The following LRBA variants were observed in gnomAD, a reference collection of about 807,000 sequenced individuals.
LRBA encodes LPS responsive beige-like anchor protein, also known as lipopolysaccharide-responsive and beige-like anchor protein.
In LRBA, 176 loss-of-function variants were observed where a neutral mutation model predicts 330.0. The observed-to-expected ratio is 0.53, with a 90% CI of 0.47 to 0.60. The LOEUF (loss-of-function observed/expected upper bound fraction) is 0.60, where lower values mean the gene tolerates loss of function less well. Among genes scored for constraint, LRBA ranks in the 20% least tolerant of loss-of-function variants. The pLI is 0.00. For missense variants in LRBA, 3,259 were observed against 3,444.8 expected (o/e 0.95, Z 1.35); for synonymous variants, 1,230 against 1,193.0 (o/e 1.03, Z -0.64).
chr4:150,285,879 T>C, intron 54 of LRBA, 54 bp downstream of exon 54: 1 of 1,170,412 alleles, frequency 8.5e-7, no homozygotes, highest in Middle Eastern at 2.0e-4. Flanking sequence ...TGGTAATTTG[T>C]TTCTAGAAGA....
intron 48 of LRBA, among the ~76,000 whole-genome samples, chr4:150,346,457 A>G (rs995085644): frequency 6.6e-6 from 1 of 152,144 alleles, no homozygotes; most frequent in African/African-American, 2.4e-5. Context: ...ATCATAAAAA[A>G]TAAATATTAA....
chr4:150,479,105 A>T (rs1172037830), intron 42 of LRBA, among the ~76,000 whole-genome samples: 1 of 151,970 alleles, frequency 6.6e-6, no homozygotes, highest in Non-Finnish European at 1.5e-5. Context: ...ACAATGGAGC[A>T]AGACAGCATC....
chr4:150,728,051 CA>C (rs1198890438), intron 36 of LRBA, among the ~76,000 whole-genome samples: 1 of 151,978 alleles, frequency 6.6e-6, no homozygotes, highest in Non-Finnish European at 1.5e-5. Flanking sequence ...GGTAGAAATT[CA>C]AAGGATCATT....
At chr4:150,277,734 T>G in intron 56 of LRBA, 119 bp downstream of exon 56, 1 of 1,060,172 alleles carries the variant, frequency 9.4e-7, no homozygotes, top group Non-Finnish European at 1.4e-6. Context: ...ACTCCTGGGC[T>G]CAAGTGATTC....
intron 34 of LRBA, among the ~76,000 whole-genome samples, chr4:150,774,911 AAATT>A (rs1237274366): frequency 3.9e-5 from 6 of 152,162 alleles, no homozygotes; most frequent in African/African-American, 1.4e-4. Context: ...TAAAATAAAA[AAATT>A]AATAGGCATA....
At chr4:150,380,279 G>A (rs755362694) in intron 47 of LRBA, among the ~76,000 whole-genome samples, 1 of 152,104 alleles carries the variant, frequency 6.6e-6, no homozygotes, top group East Asian at 1.9e-4. Context: ...GAACAACAGG[G>A]ATCACTCAAC....
chr4:150,701,804 A>G (rs1785150270), intron 36 of LRBA, among the ~76,000 whole-genome samples: 2 of 152,208 alleles, frequency 1.3e-5, no homozygotes. Context: ...AAATCTATCA[A>G]TCCATCATCT....
chr4:150,896,551 A>G, intron 15 of LRBA, 95 bp from the exon 16 acceptor site: 1 of 643,180 alleles, frequency 1.6e-6, no homozygotes, highest in South Asian at 2.1e-5. Context: ...GTCAGCTACT[A>G]TAAATATAAA....
intron 35 of LRBA, among the ~76,000 whole-genome samples, chr4:150,742,884 T>C (rs535797163): frequency 1.7e-4 from 26 of 152,010 alleles, no homozygotes; most frequent in Non-Finnish European, 3.8e-4. Context: ...GGCGACAAAG[T>C]AAGAACCTGT....
At chr4:150,976,133 C>A (rs901070322) in intron 2 of LRBA, among the ~76,000 whole-genome samples, 1 of 147,634 alleles carries the variant, frequency 6.8e-6, no homozygotes, top group Non-Finnish European at 1.5e-5. Flanking sequence ...CAAGATTGTG[C>A]CACTGCACTC....
chr4:150,705,817 C>T (rs1785562181), intron 36 of LRBA, among the ~76,000 whole-genome samples: 1 of 151,890 alleles, frequency 6.6e-6, no homozygotes, highest in South Asian at 2.1e-4. Context: ...TATATATATA[C>T]TTCAGATCAA....
At chr4:150,644,382 A>C (rs559268081) in intron 37 of LRBA, among the ~76,000 whole-genome samples, 1 of 151,992 alleles carries the variant, frequency 6.6e-6, no homozygotes, top group Non-Finnish European at 1.5e-5. Context: ...AATTAAAGCA[A>C]GCTTCTGAGT....
chr4:150,597,244 T>G (rs1163476845), intron 38 of LRBA: 8 of 415,598 alleles, frequency 1.9e-5, no homozygotes, highest in Non-Finnish European at 4.5e-6. Flanking sequence ...AATTCTTTTT[T>G]GTCAAACTTT....
intron 2 of LRBA, 21 bp from the exon 3 acceptor site, chr4:150,929,086 A>C (rs2149509219): frequency 6.9e-7 from 1 of 1,459,474 alleles, no homozygotes; most frequent in Non-Finnish European, 9.5e-7. Context: ...AAAAAAAAAA[A>C]CACATTAAAA....
At chr4:150,768,453 T>C (rs1055710011) in intron 34 of LRBA, among the ~76,000 whole-genome samples, 2 of 152,142 alleles carry the variant, frequency 1.3e-5, no homozygotes, top group African/African-American at 2.4e-5. Context: ...ATGGTAAACA[T>C]TGGAAGTTTA....
intron 9 of LRBA, among the ~76,000 whole-genome samples, chr4:150,910,686 G>A (rs994518938): frequency 3.3e-5 from 5 of 152,050 alleles, no homozygotes; most frequent in Non-Finnish European, 5.9e-5. Context: ...TTAGAATTGT[G>A]CTTCTATTTA....
At position 150,896,414 on chromosome 4, in the gene LRBA, A is replaced by G; in HGVS notation, c.2047T>C (p.Tyr683His). ...KEDELQAILNYLLTMHEDDNL... is the reference protein window; with the variant it reads ...KEDELQAILNHLLTMHEDDNL... ...ATTACCTCATGCATAGTCAGTAGGT[A>G]ATTAAGAATGGCCTGTAATTCATCT... Residue 683 changes from tyrosine (Y) to histidine (H), a missense_variant, in exon 16 of 57, where the codon TAC becomes CAC. By Grantham distance (83) the Tyr-to-His change is moderately conservative (BLOSUM62 2). Coordinates refer to ENST00000651943, the MANE Select transcript of LRBA (RefSeq NM_001364905.1). 1 of 1,544,400 alleles carries G rather than the reference A, an allele frequency of 6.5e-7. No homozygotes were observed. The highest frequency in any genetic ancestry group is 8.9e-7 in the Non-Finnish European group (1 of 1,125,438).
rs55730642 is a variant in LRBA, at chr4:150,751,883, G to A, written c.5645+9900C>T. Among the ~76,000 whole-genome samples the A allele has an allele frequency of 1.6e-3, 242 of 152,158 alleles. 1 individual carries two copies. The highest frequency in any genetic ancestry group is 3.6e-3 in the Admixed American group (55 of 15,270). On this transcript the variant is annotated intron_variant, in intron 35 of 56. Transcript: ENST00000651943. ...GTCCACATCTGATTATACTAGTCTA[G>A]ACCTTGGGTAAGCACATACACATTT...
At chr4:150,361,571 A>G (rs566193227) in intron 47 of LRBA, among the ~76,000 whole-genome samples, 3 of 151,720 alleles carry the variant, frequency 2.0e-5, no homozygotes, top group Non-Finnish European at 2.9e-5. Flanking sequence ...CTCTTTCTAC[A>G]TTTCTGATTT....
Sources: allele counts gnomAD v4.1 joint callset (sites outside exome capture counted in the v4.1 genomes callset), GRCh38; gene constraint gnomAD v4.1.1; transcripts MANE v1.5; gene names NCBI Gene and HGNC (gene_info 2026-07-23, HGNC 2026-07-21).